The following SPDYE3 variants were observed in gnomAD, a reference collection of about 807,000 sequenced individuals.
SPDYE3 encodes the protein speedy/RINGO cell cycle regulator family member E3, also known as speedy protein E3.
A neutral mutation model predicts 55.0 loss-of-function variants in SPDYE3; 15 were observed. The ratio of observed to expected loss-of-function variants is 0.27; its 90% CI spans 0.18 to 0.42. SPDYE3 has a LOEUF of 0.42. Ranked by LOEUF, SPDYE3 falls within the 10% of genes least tolerant of loss-of-function variation. The pLI, the probability that SPDYE3 is intolerant of heterozygous loss-of-function variation, is 1.00. For synonymous variants in SPDYE3, 89 were observed against 229.9 expected (o/e 0.39, Z 5.55); for missense variants, 236 against 576.7 (o/e 0.41, Z 6.05).
At chr7:100,318,011 AG>A (rs1305908240) in intron 8 of SPDYE3, among the ~76,000 whole-genome samples, 1 of 151,590 alleles carries the variant, frequency 6.6e-6, no homozygotes, top group African/African-American at 2.4e-5. Flanking sequence ...AAAAAACAAA[AG>A]GAACCATGAA....
intron 7 of SPDYE3, among the ~76,000 whole-genome samples, chr7:100,316,390 A>G (rs1806106883): frequency 6.6e-6 from 1 of 152,166 alleles, no homozygotes. Flanking sequence ...CCTGGGCTCA[A>G]GCAATCCTCT....
rs935986288 is a variant in SPDYE3, at chr7:100,321,454, A to T, written c.*609A>T. 1 of 203,816 alleles carries T rather than the reference A, an allele frequency of 4.9e-6. No individual in the cohort carries two copies. Among genetic ancestry groups the T allele is most frequent in the African/African-American group, 2.4e-5 (1 of 41,850 alleles). The allele number at this position is 203,816 out of a possible 1,614,324, so 12.6% of individuals were successfully genotyped here. A position where few individuals can be genotyped will look rare whatever the true frequency, so the allele number is the denominator to read the frequency against. On this transcript the variant is annotated 3_prime_UTR_variant, in exon 11 of 11. Coordinates refer to ENST00000332397, the MANE Select transcript of SPDYE3 (RefSeq NM_001004351.5). ...TGTAGAGTTTTTTGATGAGAGTTAT[A>T]GTTGTTATATATACATAAAGATAAT...
chr7:100,311,673 T>TGGTTTGG, intron 3 of SPDYE3, 77 bp from the exon 4 acceptor site: 1 of 811,362 alleles, frequency 1.2e-6, no homozygotes, highest in Non-Finnish European at 1.9e-6. Context: ...GGATGGAGAA[T>TGGTTTGG]GGTTTGGGGT....
Position 100,321,733 on chromosome 7 carries a change from T to C in SPDYE3, c.*888T>C, listed in dbSNP as rs1407643044. 6.6e-6 allele frequency: 1 copy of C among 150,678 alleles called. No individual in the cohort carries two copies. The highest frequency in any genetic ancestry group is 1.5e-5 in the Non-Finnish European group (1 of 67,704). The allele number at this position is 150,678 out of a possible 1,614,324, so 9.3% of individuals were successfully genotyped here. ...ATTTTTAACATGTCTTAGATATATA[T>C]ACTAACATGTCTAATATATACTATC... is the stretch of plus-strand genomic sequence containing the variant. On this transcript the variant is annotated 3_prime_UTR_variant, in exon 11 of 11. Transcript: ENST00000332397.
intron 8 of SPDYE3, among the ~76,000 whole-genome samples, chr7:100,318,725 CT>C (rs71126316): frequency 0.96 from 103,182 of 106,994 alleles, 49,716 homozygotes; most frequent in East Asian, 0.98. Flanking sequence ...TATTCAATTG[CT>C]TTTTTTTTTT....
chr7:100,308,070 C>T, intron 1 of SPDYE3, 79 bp downstream of exon 1: 1 of 1,453,742 alleles, frequency 6.9e-7, no homozygotes, highest in Non-Finnish European at 9.1e-7. Flanking sequence ...TAGCTCACCC[C>T]TGTAACACCA....
At chr7:100,317,693 C>T (rs1156296059) in intron 8 of SPDYE3, among the ~76,000 whole-genome samples, 7 of 149,812 alleles carry the variant, frequency 4.7e-5, no homozygotes, top group Non-Finnish European at 7.4e-5. Flanking sequence ...AGGCCAGGTG[C>T]GGTGGCTCAC....
chr7:100,318,438 C>A (rs1027329088), intron 8 of SPDYE3, among the ~76,000 whole-genome samples: 7 of 152,182 alleles, frequency 4.6e-5, no homozygotes, highest in African/African-American at 1.7e-4. Context: ...GGCTTCACTG[C>A]TCCTTCCAAA....
intron 6 of SPDYE3, 105 bp from the exon 7 acceptor site, chr7:100,315,680 A>C: frequency 1.9e-6 from 3 of 1,575,412 alleles, no homozygotes; most frequent in South Asian, 1.1e-5. Flanking sequence ...CCGCGGCCAC[A>C]ATCCTGAGAC....
At chr7:100,318,251 A>G (rs912076918) in intron 8 of SPDYE3, among the ~76,000 whole-genome samples, 13 of 152,102 alleles carry the variant, frequency 8.5e-5, no homozygotes, top group East Asian at 3.9e-4. Flanking sequence ...CCCCAAGCCA[A>G]GGGGCTTCCT....
chr7:100,312,452 G>C (rs1460417279), intron 4 of SPDYE3, among the ~76,000 whole-genome samples: 6 of 132,344 alleles, frequency 4.5e-5, no homozygotes, highest in East Asian at 4.0e-4. Flanking sequence ...AGCCAAGATC[G>C]TGCTACTGCA....
intron 5 of SPDYE3, among the ~76,000 whole-genome samples, chr7:100,313,878 C>T (rs1279738860): frequency 5.5e-4 from 14 of 25,326 alleles, no homozygotes; most frequent in African/African-American, 2.4e-3. Context: ...GAGAGTGAGA[C>T]GCTGTCTCAA....
intron 7 of SPDYE3, 104 bp downstream of exon 7, chr7:100,315,947 T>C (rs1806096430): frequency 5.8e-6 from 9 of 1,553,608 alleles, no homozygotes; most frequent in Non-Finnish European, 7.9e-6. Flanking sequence ...TCCCACCAGA[T>C]GCTCCTACAG....
In SPDYE3 at chr7:100,321,118, A is replaced by C. The variant is rs1789570991; in HGVS notation, c.*273A>C. ...AAAGTAAGAAACCAGGAGTGTTTCC[A>C]GTTCCACCCTTTCCTGCGGCACCAC... On this transcript the variant is annotated 3_prime_UTR_variant, in exon 11 of 11. Transcript: ENST00000332397. 1.8e-6 allele frequency: 1 copy of C among 559,916 alleles called. No homozygotes were observed. Among genetic ancestry groups the C allele is most frequent in the African/African-American group, 1.9e-5 (1 of 52,668 alleles). 34.7% of individuals were successfully genotyped at this position (559,916 alleles called of 1,614,324 possible). A position where few individuals can be genotyped will look rare whatever the true frequency, so the allele number is the denominator to read the frequency against.
At position 100,307,856 on chromosome 7, in the gene SPDYE3, G is replaced by C. The variant is rs560026144; in HGVS notation, c.-30G>C. ...CAAGGACAGAACAGAGACTAGCTTC[G>C]GTGAGATTGGACAGATTTTGGGAAA... On this transcript the variant is annotated 5_prime_UTR_variant, in exon 1 of 11. Coordinates refer to ENST00000332397, the MANE Select transcript of SPDYE3 (RefSeq NM_001004351.5). 1.3e-6 allele frequency: 2 copies of C among 1,553,514 alleles called. No individual in the cohort carries two copies. Among genetic ancestry groups the C allele is most frequent in the Non-Finnish European group, 1.7e-6 (2 of 1,157,266 alleles).
intron 10 of SPDYE3, chr7:100,320,497 C>T (rs1225189939): frequency 7.2e-6 from 7 of 975,100 alleles, no homozygotes; most frequent in South Asian, 4.5e-5. Flanking sequence ...CTTCTGGACT[C>T]GTGGTTTGTG....
intron 10 of SPDYE3, 102 bp downstream of exon 10, chr7:100,320,137 C>G (rs888475463): frequency 6.5e-7 from 1 of 1,542,750 alleles, no homozygotes; most frequent in Non-Finnish European, 8.7e-7. Context: ...GGCAACGTGG[C>G]GAGATATCCC....
chr7:100,314,193 C>T (rs1395964596), intron 5 of SPDYE3, among the ~76,000 whole-genome samples: 5 of 104,184 alleles, frequency 4.8e-5, no homozygotes, highest in African/African-American at 1.1e-4. Context: ...AACTGGAATC[C>T]GGGAGATAGA....
In SPDYE3 at chr7:100,315,807, C is replaced by T; in HGVS notation, c.1224C>T (p.Phe408=). 6.3e-7 allele frequency: 1 copy of T among 1,599,922 alleles called. No individual in the cohort carries two copies. Among genetic ancestry groups the T allele is most frequent in the Non-Finnish European group, 8.5e-7 (1 of 1,179,740 alleles). ...RLLEDPVIKR[F]LAWDKDLRVS... The stretch of plus-strand genomic sequence containing the variant: ...CAGAGGATCCTGTCATTAAAAGATT[C>T]CTGGCCTGGGACAAAGATCTGAGGG... Residue 408 remains phenylalanine, a synonymous_variant, in exon 7 of 11, where the codon TTC becomes TTT. Coordinates refer to ENST00000332397, the MANE Select transcript of SPDYE3 (RefSeq NM_001004351.5).
Sources: allele counts gnomAD v4.1 joint callset (sites outside exome capture counted in the v4.1 genomes callset), GRCh38; gene constraint gnomAD v4.1.1; transcripts MANE v1.5; gene names NCBI Gene and HGNC (gene_info 2026-07-23, HGNC 2026-07-21).